The following NAV2 variants were observed in gnomAD, a reference collection of about 807,000 sequenced individuals.
NAV2 encodes the protein helicase, APC down-regulated 1.
NAV2 carries 54 observed loss-of-function variants against 223.2 expected under a neutral mutation model. The observed-to-expected ratio is 0.24, with a 90% CI of 0.19 to 0.30. NAV2 has a LOEUF of 0.30. Among genes scored for constraint, NAV2 ranks in the 10% least tolerant of loss-of-function variants. The pLI, the probability that NAV2 is intolerant of heterozygous loss-of-function variation, is 1.00. For synonymous variants in NAV2, 1,279 were observed against 1,239.3 expected, an observed-to-expected ratio of 1.03 and a Z score of -0.67; for missense variants, 2,806 against 3,147.5, an observed-to-expected ratio of 0.89 and a Z score of 2.60.
At chr11:20,049,275 G>A in intron 15 of NAV2, 80 bp downstream of exon 15, 3 of 1,062,398 alleles carry the variant, frequency 2.8e-6, no homozygotes, top group Non-Finnish European at 2.7e-6. Context: ...AATCCCAAAT[G>A]TCGAATAGCC....
intron 1 of NAV2, among the ~76,000 whole-genome samples, chr11:19,786,902 G>A (rs2057158425): frequency 6.6e-6 from 1 of 152,068 alleles, no homozygotes; most frequent in Non-Finnish European, 1.5e-5. Flanking sequence ...ACGGGGGTGG[G>A]TGCTGAGTTG....
intron 1 of NAV2, among the ~76,000 whole-genome samples, chr11:19,642,493 A>T: frequency 6.6e-6 from 1 of 152,280 alleles, no homozygotes. Flanking sequence ...TGGCTGAAGG[A>T]TTCTTGTCAG....
intron 1 of NAV2, among the ~76,000 whole-genome samples, chr11:19,804,982 T>A (rs535874789): frequency 6.6e-6 from 1 of 151,924 alleles, no homozygotes; most frequent in Non-Finnish European, 1.5e-5. Context: ...TGGGCTGAAG[T>A]GAAAGGGAGG....
At chr11:19,599,154 A>G (rs1022617987) in intron 1 of NAV2, among the ~76,000 whole-genome samples, 4 of 152,138 alleles carry the variant, frequency 2.6e-5, no homozygotes, top group East Asian at 1.9e-4. Flanking sequence ...CTCATGCCCA[A>G]CTTGTCTTTC....
intron 1 of NAV2, among the ~76,000 whole-genome samples, chr11:19,579,383 C>A (rs1191495026): frequency 6.6e-6 from 1 of 152,224 alleles, no homozygotes; most frequent in Non-Finnish European, 1.5e-5. Context: ...TAGTGACAAG[C>A]CCTTCCTTGG....
Position 20,048,916 on chromosome 11 carries a change from A to G in NAV2, c.4091A>G (p.Gln1364Arg). The stretch of plus-strand genomic sequence containing the variant: ...TACAGCAAGAATGTGGACCTCAACC[A>G]GTCTCCGCTAGCCTCCAGCCCCAGC... ...PLYSKNVDLNQSPLASSPSSA... is the reference protein window; with the variant it reads ...PLYSKNVDLNRSPLASSPSSA... The change falls in exon 15 of 38, where the codon CAG (glutamine) becomes CGG (arginine). Residue 1364 changes from glutamine to arginine, a missense_variant. Physicochemically the swap from Gln to Arg is conservative, Grantham distance 43. This residue lies in a region of NAV2 where 742 missense variants were observed against 777.9 expected (regional missense o/e 0.95). Transcript: ENST00000349880. 1.2e-6 allele frequency: 2 copies of G among 1,614,142 alleles called. No individual in the cohort carries two copies. Among genetic ancestry groups the G allele is most frequent in the Middle Eastern group, 1.6e-4 (1 of 6,062 alleles).
At chr11:19,599,192 G>A (rs2046290652) in intron 1 of NAV2, among the ~76,000 whole-genome samples, 1 of 152,194 alleles carries the variant, frequency 6.6e-6, no homozygotes, top group Non-Finnish European at 1.5e-5. Context: ...AACTTGTCAA[G>A]GGAAGATGTC....
intron 1 of NAV2, among the ~76,000 whole-genome samples, chr11:19,357,583 C>T (rs572695527): frequency 2.0e-5 from 3 of 152,106 alleles, no homozygotes; most frequent in Non-Finnish European, 4.4e-5. Flanking sequence ...TGTAAGAGGC[C>T]TATTGGAGGA....
At chr11:19,462,145 G>C (rs2133867650) in intron 1 of NAV2, among the ~76,000 whole-genome samples, 1 of 152,282 alleles carries the variant, frequency 6.6e-6, no homozygotes, top group South Asian at 2.1e-4. Flanking sequence ...GTGCTGAAAG[G>C]TTTGAAAGCC....
At chr11:19,864,337 C>G (rs1034441014) in intron 3 of NAV2, among the ~76,000 whole-genome samples, 2 of 152,190 alleles carry the variant, frequency 1.3e-5, no homozygotes, top group African/African-American at 4.8e-5. Context: ...GCGCTTTGCA[C>G]TCAGCTACAC....
chr11:20,107,843 G>T lies in NAV2; in HGVS notation c.6960+61G>T, dbSNP rs981151661. 19 of 1,155,224 alleles carry T rather than the reference G, an allele frequency of 1.6e-5. No individual in the cohort carries two copies. In the Admixed American group the frequency reaches 2.5e-4, roughly 15 times the overall value. The allele number at this position is 1,155,224 out of a possible 1,614,324, so 71.6% of individuals were successfully genotyped here. The stretch of plus-strand genomic sequence containing the variant: ...AGGGGGACTGTTCTGGTGACCAGAT[G>T]AGTTGTCTTTATCTCCTCCTCCAGG... On this transcript the variant is annotated intron_variant, in intron 36 of 37. Transcript: ENST00000349880.
intron 10 of NAV2, among the ~76,000 whole-genome samples, chr11:19,953,415 G>A (rs796503251): frequency 1.6e-4 from 25 of 152,230 alleles, no homozygotes; most frequent in African/African-American, 6.0e-4. Context: ...TAGGCTACCT[G>A]CCACCACCAA....
intron 11 of NAV2, chr11:20,023,244 T>C: frequency 4.8e-6 from 3 of 623,592 alleles, no homozygotes; most frequent in Non-Finnish European, 7.3e-6. Context: ...GTGGTGCAGC[T>C]GCCTAAATCA....
At chr11:19,813,002 G>T (rs1215755802) in intron 1 of NAV2, among the ~76,000 whole-genome samples, 2 of 151,666 alleles carry the variant, frequency 1.3e-5, no homozygotes, top group Non-Finnish European at 2.9e-5. Context: ...TCATTCCCTT[G>T]TTGGAATCTG....
intron 13 of NAV2, 104 bp from the exon 14 acceptor site, chr11:20,044,864 G>C (rs1204984354): frequency 1.1e-6 from 1 of 929,140 alleles, no homozygotes; most frequent in South Asian, 1.8e-5. Context: ...GCCTCCCCAA[G>C]GGAAAAGTGA....
chr11:19,793,718 A>C (rs970537259), intron 1 of NAV2, among the ~76,000 whole-genome samples: 10 of 152,174 alleles, frequency 6.6e-5, no homozygotes, highest in Admixed American at 4.6e-4. Context: ...CTACTCAAGG[A>C]AACAGAATAA....
At chr11:19,577,444 A>T (rs1304240664) in intron 1 of NAV2, among the ~76,000 whole-genome samples, 2 of 152,240 alleles carry the variant, frequency 1.3e-5, no homozygotes, top group Non-Finnish European at 2.9e-5. Flanking sequence ...GGGCGCAGCC[A>T]TCTGTGTGAG....
rs185106645 is a variant in NAV2, at chr11:20,107,416, C to T, written c.6842-248C>T. ...TTTTTAAAAATCAAGATTAGTGATG[C>T]CACAGTGAGCATCTTCCCCATAAAG... On this transcript the variant is annotated intron_variant, in intron 35 of 37. Coordinates refer to ENST00000349880, the MANE Select transcript of NAV2 (RefSeq NM_145117.5). The T allele has an allele frequency of 1.6e-3, 828 of 517,016 alleles. 19 individuals carry two copies. In the Admixed American group the frequency reaches 0.023, roughly 14 times the overall value. 32.0% of individuals were successfully genotyped at this position (517,016 alleles called of 1,614,324 possible).
chr11:20,109,702 C>T (rs992921440), intron 36 of NAV2, among the ~76,000 whole-genome samples: 13 of 152,218 alleles, frequency 8.5e-5, no homozygotes, highest in African/African-American at 3.1e-4. Flanking sequence ...ATGAGGTGGA[C>T]TGTTTGCCCC....
Sources: allele counts gnomAD v4.1 joint callset (sites outside exome capture counted in the v4.1 genomes callset), GRCh38; gene constraint gnomAD v4.1.1; regional missense constraint gnomAD v4.1.1; transcripts MANE v1.5; gene names NCBI Gene and HGNC (gene_info 2026-07-23, HGNC 2026-07-21).